Variants in SYBU observed in about 807,000 individuals in gnomAD.
The protein encoded by SYBU is GOLSYN A protein.
Under a neutral mutation model 35.9 loss-of-function variants are expected in SYBU, and 21 were observed. The ratio of observed to expected loss-of-function variants is 0.58; its 90% CI spans 0.41 to 0.84. The LOEUF (loss-of-function observed/expected upper bound fraction) is 0.84. Among genes scored for constraint, SYBU ranks in the 40% least tolerant of loss-of-function variants. The probability of loss-of-function intolerance (pLI) is 0.00; values close to 1 mark genes in which losing one functional copy is unlikely to be tolerated. For missense variants in SYBU, 768 were observed against 848.2 expected (o/e 0.91, Z 1.17); for synonymous variants, 319 against 324.3 (o/e 0.98, Z 0.18).
At chr8:109,669,240 G>T (rs1041912075) in intron 1 of SYBU, among the ~76,000 whole-genome samples, 8 of 151,540 alleles carry the variant, frequency 5.3e-5, no homozygotes, top group Non-Finnish European at 1.0e-4. Flanking sequence ...TACTCGGGAG[G>T]CTGAGGCAGG....
chr8:109,628,700 T>C (rs1296090824), intron 2 of SYBU, among the ~76,000 whole-genome samples: 3 of 151,920 alleles, frequency 2.0e-5, no homozygotes, highest in Non-Finnish European at 4.4e-5. Context: ...GTCATGTCTA[T>C]AGTCCCGGCT....
chr8:109,586,867 A>G (rs1368725943), intron 3 of SYBU, among the ~76,000 whole-genome samples: 1 of 152,246 alleles, frequency 6.6e-6, no homozygotes, highest in Non-Finnish European at 1.5e-5. Flanking sequence ...ATCACATGAT[A>G]CTTTGAGTAC....
At chr8:109,644,868 G>T, upstream of SYBU, 1 of 560,530 alleles carries the variant, frequency 1.8e-6, no homozygotes, top group Non-Finnish European at 3.1e-6. Flanking sequence ...GACACGTGGT[G>T]CCGCACTCGC....
At chr8:109,675,820 G>A (rs1039629579) in intron 1 of SYBU, among the ~76,000 whole-genome samples, 1 of 152,034 alleles carries the variant, frequency 6.6e-6, no homozygotes, top group Non-Finnish European at 1.5e-5. Flanking sequence ...ACCAAAACCT[G>A]GCAGAGACAC....
intron 1 of SYBU, among the ~76,000 whole-genome samples, chr8:109,674,842 T>G (rs1230718476): frequency 6.6e-6 from 1 of 152,176 alleles, no homozygotes; most frequent in Admixed American, 6.5e-5. Flanking sequence ...GAATATACAT[T>G]CTTCTCAGCA....
At chr8:109,578,353 T>G (rs1277557825) in intron 5 of SYBU, among the ~76,000 whole-genome samples, 1 of 152,152 alleles carries the variant, frequency 6.6e-6, no homozygotes, top group Non-Finnish European at 1.5e-5. Context: ...CACCCTGATC[T>G]CAGACCTAAA....
chr8:109,581,919 G>A (rs2844235), intron 4 of SYBU, among the ~76,000 whole-genome samples: 25,912 of 152,162 alleles, frequency 0.17, 2,557 homozygotes, highest in East Asian at 0.33. Context: ...CACTTTATAC[G>A]GAACAGATGG....
At position 109,691,230 on chromosome 8, in the gene SYBU, C is replaced by A; in HGVS notation, c.-58+103G>T. On this transcript the variant is annotated intron_variant, in intron 1 of 7. Coordinates refer to the SYBU transcript ENST00000422135. This position sits in a 1 kb window ranked among gnomAD's most constrained non-coding sequence, Gnocchi z 4.7. The stretch of plus-strand genomic sequence containing the variant: ...GCATTGGAAAGGGTGGTCCTGGGGT[C>A]CGGAGCGCCCCATCACTGCCCTCAT... 4 of 674,682 alleles carry A rather than the reference C, an allele frequency of 5.9e-6. No individual in the cohort carries two copies. In the South Asian group the frequency reaches 6.3e-5, roughly 11 times the overall value. 41.8% of individuals were successfully genotyped at this position (674,682 alleles called of 1,614,324 possible).
intron 3 of SYBU, among the ~76,000 whole-genome samples, chr8:109,590,581 AAAG>A (rs1196271519): frequency 6.6e-6 from 1 of 152,136 alleles, no homozygotes. Flanking sequence ...GCTAAACACA[AAAG>A]AAGAGAAGTT....
intron 1 of SYBU, among the ~76,000 whole-genome samples, chr8:109,658,986 A>G (rs113049018): frequency 0.019 from 2,949 of 152,136 alleles, 103 homozygotes; most frequent in African/African-American, 0.065. Flanking sequence ...AACAACAACA[A>G]AAAAAACCTT....
chr8:109,674,142 C>A (rs1817090637), intron 1 of SYBU, among the ~76,000 whole-genome samples: 1 of 151,734 alleles, frequency 6.6e-6, no homozygotes, highest in Non-Finnish European at 1.5e-5. Flanking sequence ...CCCAACCTAG[C>A]AAGACAGGCA....
intron 3 of SYBU, among the ~76,000 whole-genome samples, chr8:109,606,698 C>T (rs1181908993): frequency 6.6e-6 from 1 of 152,082 alleles, no homozygotes; most frequent in Admixed American, 6.5e-5. Context: ...AGTTAATCAC[C>T]TAAAGTTTGA....
chr8:109,684,142 A>G (rs1276561295), upstream of SYBU, among the ~76,000 whole-genome samples: 5 of 152,218 alleles, frequency 3.3e-5, no homozygotes, highest in Admixed American at 3.3e-4. Flanking sequence ...GTTTTCCAAT[A>G]AGGAAAATAA....
chr8:109,651,270 G>C (rs1816123229), intron 1 of SYBU, among the ~76,000 whole-genome samples: 1 of 152,176 alleles, frequency 6.6e-6, no homozygotes, highest in East Asian at 1.9e-4. Context: ...TGGTAGAAAA[G>C]TACCTGTGCC....
intron 1 of SYBU, among the ~76,000 whole-genome samples, chr8:109,669,624 T>C (rs1816903020): frequency 6.6e-6 from 1 of 152,208 alleles, no homozygotes; most frequent in Non-Finnish European, 1.5e-5. Flanking sequence ...CTTCTTTGGG[T>C]TGATTCTTTC....
upstream of SYBU, among the ~76,000 whole-genome samples, chr8:109,685,758 T>C (rs532631538): frequency 1.3e-3 from 201 of 152,310 alleles, 2 homozygotes; most frequent in African/African-American, 4.7e-3. Context: ...GGCTCATTAT[T>C]TGAGGAGGCA....
At chr8:109,617,819 A>G (rs1277908874) in intron 3 of SYBU, among the ~76,000 whole-genome samples, 1 of 152,256 alleles carries the variant, frequency 6.6e-6, no homozygotes, top group African/African-American at 2.4e-5. Flanking sequence ...CCTTGGTGAC[A>G]AAATGACCTA....
chr8:109,647,146 C>T (rs1450492258), upstream of SYBU: 1 of 152,198 alleles, frequency 6.6e-6, no homozygotes, highest in Non-Finnish European at 1.5e-5. Flanking sequence ...ACAAGGCTTT[C>T]CTGATCTGGC....
chr8:109,651,050 T>G (rs1439823293), intron 1 of SYBU, among the ~76,000 whole-genome samples: 1 of 152,226 alleles, frequency 6.6e-6, no homozygotes, highest in African/African-American at 2.4e-5. Flanking sequence ...TTTCTCAGAT[T>G]ATCAGGGACT....
Sources: allele counts gnomAD v4.1 joint callset (sites outside exome capture counted in the v4.1 genomes callset), GRCh38; gene constraint gnomAD v4.1.1; non-coding constraint Gnocchi (gnomAD v3.1); transcripts MANE v1.5; gene names NCBI Gene and HGNC (gene_info 2026-07-23, HGNC 2026-07-21).